ATRNL1: variants seen among roughly 807,000 people sequenced by gnomAD.
The protein encoded by ATRNL1 is attractin like 1, also known as attractin-like protein 1.
A neutral mutation model predicts 182.7 loss-of-function variants in ATRNL1; 95 were observed. That is an observed-to-expected ratio of 0.52 (90% CI 0.44 to 0.62). The LOEUF (loss-of-function observed/expected upper bound fraction) is 0.62, where lower values mean the gene tolerates loss of function less well. Among genes scored for constraint, ATRNL1 ranks in the 20% least tolerant of loss-of-function variants. The pLI, the probability that ATRNL1 is intolerant of heterozygous loss-of-function variation, is 0.00. For synonymous variants in ATRNL1, 576 were observed against 568.3 expected (o/e 1.01, Z -0.19); for missense variants, 1,471 against 1,679.5 (o/e 0.88, Z 2.17).
In ATRNL1 at chr10:115,381,242, A is replaced by G. The variant is rs150433230; in HGVS notation, c.3176-13417A>G. Among the ~76,000 whole-genome samples, 42 of 151,450 alleles carry G rather than the reference A, an allele frequency of 2.8e-4. No homozygotes were observed. The East Asian group carries it at 8.0e-3, about 29-fold the overall frequency. On this transcript the variant is annotated intron_variant, in intron 19 of 28. Coordinates refer to ENST00000355044, the MANE Select transcript of ATRNL1 (RefSeq NM_207303.4). ...TTTTCTGGACTTTTTTTAGTTGGGT[A>G]TTTATCTTTGTTTTTTGTTTATTTT...
At chr10:115,627,562 C>T (rs1209497665) in intron 26 of ATRNL1, among the ~76,000 whole-genome samples, 3 of 152,016 alleles carry the variant, frequency 2.0e-5, no homozygotes, top group African/African-American at 7.2e-5. Flanking sequence ...GACAGGGTTT[C>T]ACCAAGTTGG....
intron 19 of ATRNL1, among the ~76,000 whole-genome samples, chr10:115,338,065 A>G (rs1314552154): frequency 6.6e-6 from 1 of 151,802 alleles, no homozygotes; most frequent in East Asian, 1.9e-4. Context: ...CCCGCTGATC[A>G]CCTTCTGCTG....
intron 10 of ATRNL1, among the ~76,000 whole-genome samples, chr10:115,248,279 T>G (rs1329814624): frequency 1.3e-5 from 2 of 152,084 alleles, no homozygotes; most frequent in Non-Finnish European, 2.9e-5. Flanking sequence ...CACTATATAC[T>G]CCATTAATAT....
intron 28 of ATRNL1, among the ~76,000 whole-genome samples, chr10:115,890,873 T>C (rs1265472240): frequency 6.6e-6 from 1 of 152,146 alleles, no homozygotes; most frequent in Non-Finnish European, 1.5e-5. Flanking sequence ...ATGAGAAGAA[T>C]ATTCAGTTTG....
chr10:115,174,182 AATC>A (rs1847404715), intron 8 of ATRNL1, among the ~76,000 whole-genome samples: 2 of 151,456 alleles, frequency 1.3e-5, no homozygotes, highest in Non-Finnish European at 3.0e-5. Context: ...GTTCATACCT[AATC>A]TAGACTTTAT....
rs568801322 is a variant in ATRNL1, at chr10:115,256,719, T to C, written c.1688-8474T>C. On this transcript the variant is annotated intron_variant, in intron 10 of 28. Coordinates refer to ENST00000355044, the MANE Select transcript of ATRNL1 (RefSeq NM_207303.4). Reference sequence around the variant, plus strand: ...TGCTCTTGCTTCTCTAGTTCTCTTATTTGTGATGTTGGGTGTCGATTTTAG... The same window carrying C: ...TGCTCTTGCTTCTCTAGTTCTCTTACTTGTGATGTTGGGTGTCGATTTTAG... Among the ~76,000 whole-genome samples, 3 of 152,260 alleles carry C rather than the reference T, an allele frequency of 2.0e-5. No homozygotes were observed. In the South Asian group the frequency reaches 6.2e-4, roughly 32 times the overall value.
chr10:115,139,797 C>T (rs149147819), intron 5 of ATRNL1, among the ~76,000 whole-genome samples: 1 of 152,208 alleles, frequency 6.6e-6, no homozygotes, highest in African/African-American at 2.4e-5. Context: ...AGCACTGGCC[C>T]ATTCATCTCT....
chr10:115,474,505 T>C (rs1286894117), intron 24 of ATRNL1, among the ~76,000 whole-genome samples: 6 of 151,312 alleles, frequency 4.0e-5, no homozygotes, highest in African/African-American at 1.5e-4. Flanking sequence ...TTGGGAAGTT[T>C]TGAGCCATTA....
chr10:115,732,949 C>T (rs908285080), intron 27 of ATRNL1, among the ~76,000 whole-genome samples: 2 of 152,068 alleles, frequency 1.3e-5, no homozygotes, highest in African/African-American at 4.8e-5. Context: ...CAGAGAATTC[C>T]AGCAGTTATC....
intron 7 of ATRNL1, among the ~76,000 whole-genome samples, chr10:115,168,289 T>A (rs1474388910): frequency 6.6e-6 from 1 of 152,140 alleles, no homozygotes; most frequent in African/African-American, 2.4e-5. Flanking sequence ...CTAACAACAT[T>A]GCTGTTTAAG....
intron 26 of ATRNL1, among the ~76,000 whole-genome samples, chr10:115,704,832 G>A (rs1946847630): frequency 1.3e-5 from 2 of 151,586 alleles, no homozygotes; most frequent in South Asian, 4.1e-4. Context: ...TCCTATTATA[G>A]TCTTTCTGCT....
At chr10:115,673,447 T>C (rs997445077) in intron 26 of ATRNL1, among the ~76,000 whole-genome samples, 4 of 151,962 alleles carry the variant, frequency 2.6e-5, no homozygotes, top group Non-Finnish European at 4.4e-5. Context: ...AACTGCAATA[T>C]CAGACAGGCA....
rs1169429334 is a variant in ATRNL1 at position 115,948,163 on chromosome 10, A to G, written c.*3384A>G. ...CGACTTTGACATTTAGTCAATAAAG[A>G]CTTAAACTCTTCTTAAATCTATAGT... On this transcript the variant is annotated 3_prime_UTR_variant, in exon 29 of 29. Coordinates refer to ENST00000355044, the MANE Select transcript of ATRNL1 (RefSeq NM_207303.4). 2 of 152,208 alleles carry G rather than the reference A, an allele frequency of 1.3e-5. No individual in the cohort carries two copies. Among genetic ancestry groups the G allele is most frequent in the Non-Finnish European group, 2.9e-5 (2 of 68,042 alleles). 9.4% of individuals were successfully genotyped at this position (152,208 alleles called of 1,614,324 possible).
At chr10:115,414,702 G>A (rs1554960556) in intron 20 of ATRNL1, among the ~76,000 whole-genome samples, 1 of 151,564 alleles carries the variant, frequency 6.6e-6, no homozygotes, top group East Asian at 1.9e-4. Context: ...GTGTGTTTCT[G>A]TCTATGTGCG....
intron 5 of ATRNL1, among the ~76,000 whole-genome samples, chr10:115,142,522 C>A (rs1221079710): frequency 2.0e-5 from 3 of 152,172 alleles, no homozygotes; most frequent in African/African-American, 7.2e-5. Flanking sequence ...GGAGCTATAT[C>A]AGCTAAATAT....
At chr10:115,495,853 G>A (rs1310171861) in intron 24 of ATRNL1, among the ~76,000 whole-genome samples, 1 of 151,996 alleles carries the variant, frequency 6.6e-6, no homozygotes, top group Non-Finnish European at 1.5e-5. Flanking sequence ...ATCAAATGTC[G>A]AGTTCAGGTT....
chr10:115,243,331 T>G (rs1339635255), intron 10 of ATRNL1, among the ~76,000 whole-genome samples: 4 of 152,054 alleles, frequency 2.6e-5, no homozygotes, highest in African/African-American at 9.7e-5. Context: ...GTGAAAAAAT[T>G]TGGAGAATTT....
At chr10:115,898,929 GTTTC>G (rs1319318703) in intron 28 of ATRNL1, among the ~76,000 whole-genome samples, 4 of 151,326 alleles carry the variant, frequency 2.6e-5, no homozygotes, top group Non-Finnish European at 5.9e-5. Context: ...AACTTTTTTT[GTTTC>G]TTTACTTTTT....
chr10:115,156,023 TAAG>T (rs1846498877), intron 5 of ATRNL1, among the ~76,000 whole-genome samples: 2 of 151,926 alleles, frequency 1.3e-5, no homozygotes, highest in East Asian at 3.9e-4. Context: ...TGGACTAGAG[TAAG>T]ATCTTGATGT....
Sources: allele counts gnomAD v4.1 joint callset (sites outside exome capture counted in the v4.1 genomes callset), GRCh38; gene constraint gnomAD v4.1.1; transcripts MANE v1.5; gene names NCBI Gene and HGNC (gene_info 2026-07-23, HGNC 2026-07-21).